The following DGKQ variants were observed in gnomAD, a reference collection of about 807,000 sequenced individuals.
DGKQ encodes diacylglycerol kinase theta.
A neutral mutation model predicts 104.2 loss-of-function variants in DGKQ; 97 were observed. The ratio of observed to expected loss-of-function variants is 0.93; its 90% CI spans 0.79 to 1.10. The LOEUF (loss-of-function observed/expected upper bound fraction) is 1.10, where lower values mean the gene tolerates loss of function less well. Among genes scored for constraint, DGKQ ranks in the 50% least tolerant of loss-of-function variants. The pLI is 0.00. For missense variants in DGKQ, 1,465 were observed against 1,352.1 expected (o/e 1.08, Z -1.31); for synonymous variants, 736 against 595.2 (o/e 1.24, Z -3.44).
rs1340804961 is a variant in DGKQ, at chr4:968,027, C to T, written c.664G>A (p.Ala222Thr). ...GVRCEWCGVQ[A>T]HSLCSAALAP... The stretch of plus-strand genomic sequence containing the variant: ...AGCGCCGCGGAGCAGAGGGAGTGCG[C>T]CTGGGGGGAGAAGGGCCTGAGCTGG... The change falls in exon 6 of 23, where the codon GCG (alanine) becomes ACG (threonine). Residue 222 changes from alanine to threonine, a missense_variant and splice_region_variant. Coordinates refer to ENST00000273814, the MANE Select transcript of DGKQ (RefSeq NM_001347.4). The T allele has an allele frequency of 4.2e-6, 6 of 1,423,752 alleles. No individual in the cohort carries two copies. In the Admixed American group the frequency reaches 1.8e-4, roughly 43 times the overall value. The allele number at this position is 1,423,752 out of a possible 1,614,324, so 88.2% of individuals were successfully genotyped here. A position where few individuals can be genotyped will look rare whatever the true frequency, so the allele number is the denominator to read the frequency against.
Position 973,195 on chromosome 4 carries a change from C to T in DGKQ, c.271+17G>A. 1.3e-6 allele frequency: 2 copies of T among 1,534,902 alleles called. No individual in the cohort carries two copies. The highest frequency in any genetic ancestry group is 1.7e-6 in the Non-Finnish European group (2 of 1,143,570). ...GGCAGGGCTGCAGCCGGGTAGGCAT[C>T]GGGCCCGGGCGCTCACCGTCGCACA... On this transcript the variant is annotated intron_variant, in intron 1 of 22. Transcript: ENST00000273814.
Position 968,797 on chromosome 4 carries a change from C to T in DGKQ, c.451+14G>A, listed in dbSNP as rs752353210. The T allele has an allele frequency of 6.2e-7, 1 of 1,601,950 alleles. No individual in the cohort carries two copies. Among genetic ancestry groups the T allele is most frequent in the Non-Finnish European group, 8.5e-7 (1 of 1,173,960 alleles). On this transcript the variant is annotated intron_variant, in intron 3 of 22. Coordinates refer to ENST00000273814, the MANE Select transcript of DGKQ (RefSeq NM_001347.4). ...CCAGGACACTGGGTGGGGAGCCAGG[C>T]AGGCTCCAGGTACCTTCGCAGTGGA...
In DGKQ at chr4:963,204, G is replaced by A. The variant is rs1712022031; in HGVS notation, c.1821C>T (p.Cys607=). Residue 607 remains cysteine (C), a synonymous_variant, in exon 16 of 23, where the codon TGC becomes TGT. Coordinates refer to ENST00000273814, the MANE Select transcript of DGKQ (RefSeq NM_001347.4). ...GAGGGTTCAGTAGCTTCCGGAAGCTGCAGAGCAGGTCTCGGCCCTTGAGGC... is the reference window on the plus strand; with the variant it reads ...GAGGGTTCAGTAGCTTCCGGAAGCTACAGAGCAGGTCTCGGCCCTTGAGGC... ...SGGLKGRDLL[C]SFRKLLNPHQ... is the part of the protein sequence containing the mutation. The A allele has an allele frequency of 1.2e-6, 2 of 1,611,182 alleles. No individual in the cohort carries two copies. Among genetic ancestry groups the A allele is most frequent in the Admixed American group, 3.3e-5 (2 of 59,954 alleles).
In DGKQ at chr4:962,056, G is replaced by A. The variant is rs1166150089; in HGVS notation, c.2241C>T (p.Gly747=). 5 of 1,612,542 alleles carry A rather than the reference G, an allele frequency of 3.1e-6. No homozygotes were observed. The Admixed American group carries it at 5.0e-5, about 16-fold the overall frequency. ...PKIVQMSNYC[G]IGIDAELSLD... is the part of the protein sequence containing the mutation. Reference sequence around the variant, plus strand: ...GGCTCAGCTCCGCGTCGATGCCAATGCCACAGTAGTTACTCATCTGCACGA... The same window carrying A: ...GGCTCAGCTCCGCGTCGATGCCAATACCACAGTAGTTACTCATCTGCACGA... Residue 747 remains glycine, a synonymous_variant, in exon 19 of 23, where the codon GGC becomes GGT. Transcript: ENST00000273814.
rs780564628 is a variant in DGKQ, at chr4:967,628, A to C, written c.908T>G (p.Phe303Cys). The C allele has an allele frequency of 1.9e-6, 3 of 1,612,528 alleles. No homozygotes were observed. The highest frequency in any genetic ancestry group is 1.3e-5 in the African/African-American group (1 of 74,892). ...PESGKQTLKI[F>C]DGDDAVRRSQ... The stretch of plus-strand genomic sequence containing the variant: ...TCTTCTCACCGCGTCGTCGCCATCA[A>C]AGATCTTCAGCGTTTGCTTCCCTGG... Residue 303 changes from phenylalanine (F) to cysteine (C), a missense_variant, in exon 8 of 23, where the codon TTT becomes TGT. By Grantham distance (205) the Phe-to-Cys change is radical. Coordinates refer to ENST00000273814, the MANE Select transcript of DGKQ (RefSeq NM_001347.4).
In DGKQ at chr4:971,461, ATC is replaced by A. The variant is rs1443714183; in HGVS notation, c.272-391_272-390del. On this transcript the variant is annotated intron_variant, in intron 1 of 22. Coordinates refer to ENST00000273814, the MANE Select transcript of DGKQ (RefSeq NM_001347.4). The surrounding 1 kb of genome is among the most constrained non-coding windows in gnomAD (Gnocchi z 4.0). ...TCGGCAGATTGGCTTTACCAAGGACATCTGTGTCTCACTCCCCCGAAACTACG... is the reference window on the plus strand; with the variant it reads ...TCGGCAGATTGGCTTTACCAAGGACATGTGTCTCACTCCCCCGAAACTACG... Among the ~76,000 whole-genome samples the A allele has an allele frequency of 2.0e-5, 3 of 152,170 alleles. No individual in the cohort carries two copies. The highest frequency in any genetic ancestry group is 7.2e-5 in the African/African-American group (3 of 41,436).
At position 968,431 on chromosome 4, in the gene DGKQ, G is replaced by C. The variant is rs377583705; in HGVS notation, c.538-24C>G. On this transcript the variant is annotated intron_variant, in intron 4 of 22. Coordinates refer to ENST00000273814, the MANE Select transcript of DGKQ (RefSeq NM_001347.4). Reference sequence around the variant, plus strand: ...TCCTGCAGAGCGGGGGCAGTCAGCAGCTGGGCCCGCCCCACCCCCCAGGGC... The same window carrying C: ...TCCTGCAGAGCGGGGGCAGTCAGCACCTGGGCCCGCCCCACCCCCCAGGGC... 2.3e-5 allele frequency: 37 copies of C among 1,584,952 alleles called. No individual in the cohort carries two copies. The African/African-American group carries it at 4.6e-4, about 20-fold the overall frequency.
intron 19 of DGKQ, 59 bp downstream of exon 19, chr4:961,923 G>A (rs1711917873): frequency 1.9e-5 from 31 of 1,609,220 alleles, no homozygotes; most frequent in Non-Finnish European, 2.4e-5. Flanking sequence ...GCCTGTTCCT[G>A]CTGGGGGACC....
chr4:967,703 T>TG, intron 7 of DGKQ, 25 bp downstream of exon 7: 2 of 1,611,732 alleles, frequency 1.2e-6, no homozygotes, highest in Admixed American at 1.7e-5. Context: ...TCAGTGGAGT[T>TG]GGGGGGAATG....
Position 973,200 on chromosome 4 carries a change from CCGGG to C in DGKQ, c.271+8_271+11del, listed in dbSNP as rs1303534503. On this transcript the variant is annotated splice_region_variant and intron_variant, in intron 1 of 22. Transcript: ENST00000273814. ...GGCTGCAGCCGGGTAGGCATCGGGC[CCGGG>C]CGCTCACCGTCGCACAGGAAGCCGG... The C allele has an allele frequency of 2.6e-6, 4 of 1,541,488 alleles. No individual in the cohort carries two copies. Among genetic ancestry groups the C allele is most frequent in the Non-Finnish European group, 3.5e-6 (4 of 1,146,874 alleles).
Position 968,868 on chromosome 4 carries a change from G to A in DGKQ, c.394C>T (p.Arg132Cys), listed in dbSNP as rs574436282. The change falls in exon 3 of 23, where the codon CGC becomes TGC. Residue 132 changes from arginine to cysteine, a missense_variant. Physicochemically the swap from Arg to Cys is radical, Grantham distance 180. Transcript: ENST00000273814. ...TTGCGGCAGACAGCACAGAACTTGCGCTTGTGGAGCCCCCGGGGGCCGAAG... is the reference window on the plus strand; with the variant it reads ...TTGCGGCAGACAGCACAGAACTTGCACTTGTGGAGCCCCCGGGGGCCGAAG... The part of the protein sequence containing the change: ...HCFGPRGLHK[R>C]KFCAVCRKVL... 23 of 1,606,038 alleles carry A rather than the reference G, an allele frequency of 1.4e-5. No homozygotes were observed. The highest frequency in any genetic ancestry group is 2.2e-5 in the East Asian group (1 of 44,674).
intron 22 of DGKQ, 158 bp downstream of exon 22, chr4:960,891 C>G (rs1711836846): frequency 2.0e-6 from 2 of 985,344 alleles, no homozygotes; most frequent in Non-Finnish European, 2.4e-6. Context: ...GCCCGCCTGG[C>G]CACTGGCACA....
chr4:966,345 G>A, intron 12 of DGKQ, 121 bp downstream of exon 12: 11 of 1,164,914 alleles, frequency 9.4e-6, no homozygotes, highest in Non-Finnish European at 1.4e-5. Flanking sequence ...TGCCCTGTCA[G>A]CCAGGACAGC....
At chr4:968,440 G>GC (rs1196057027) in intron 4 of DGKQ, 33 bp from the exon 5 acceptor site, 9 of 1,588,918 alleles carry the variant, frequency 5.7e-6, no homozygotes, top group Non-Finnish European at 7.7e-6. Context: ...AGCTGGGCCC[G>GC]CCCCACCCCC....
chr4:962,118 G>A (rs770195369), intron 18 of DGKQ, 36 bp from the exon 19 acceptor site: 24 of 1,560,278 alleles, frequency 1.5e-5, no homozygotes, highest in African/African-American at 4.1e-5. Context: ...GGACCCGGCC[G>A]CCCTCACCAG....
chr4:963,192 C>A lies in DGKQ; in HGVS notation c.1833G>T (p.Lys611Asn), dbSNP rs1314755521. Residue 611 changes from lysine to asparagine, a missense_variant, in exon 16 of 23, where the codon AAG (lysine) becomes AAT (asparagine). By Grantham distance (94) the Lys-to-Asn change is moderately conservative (BLOSUM62 0). Coordinates refer to ENST00000273814, the MANE Select transcript of DGKQ (RefSeq NM_001347.4). ...KGRDLLCSFRKLLNPHQVFDL... is the reference protein window; with the variant it reads ...KGRDLLCSFRNLLNPHQVFDL... The stretch of plus-strand genomic sequence containing the variant: ...CGAAGACCTGATGAGGGTTCAGTAG[C>A]TTCCGGAAGCTGCAGAGCAGGTCTC... 6.2e-7 allele frequency: 1 copy of A among 1,611,132 alleles called. No individual in the cohort carries two copies. The highest frequency in any genetic ancestry group is 2.2e-5 in the East Asian group (1 of 44,804).
At chr4:960,790 C>T (rs1392466202) in intron 22 of DGKQ, 69 bp from the exon 23 acceptor site, 2 of 1,573,504 alleles carry the variant, frequency 1.3e-6, no homozygotes, top group East Asian at 2.3e-5. Flanking sequence ...CGGGCAGCCC[C>T]CGGTCCTGGG....
intron 2 of DGKQ, 113 bp from the exon 3 acceptor site, chr4:969,023 C>T (rs996583776): frequency 8.4e-5 from 56 of 668,170 alleles, no homozygotes; most frequent in East Asian, 5.8e-4. Flanking sequence ...TGAGAACTGC[C>T]CAGGCTGAGC....
chr4:968,854 A>C lies in DGKQ; in HGVS notation c.408T>G (p.Ala136=). The C allele has an allele frequency of 6.2e-7, 1 of 1,610,006 alleles. No individual in the cohort carries two copies. Among genetic ancestry groups the C allele is most frequent in the Non-Finnish European group, 8.5e-7 (1 of 1,178,346 alleles). Residue 136 remains alanine (A), a synonymous_variant, in exon 3 of 23, where the codon GCT becomes GCG. Transcript: ENST00000273814. The part of the protein sequence containing the change: ...PRGLHKRKFC[A]VCRKVLEAPA... ...GTGCCTCCAGGACCTTGCGGCAGAC[A>C]GCACAGAACTTGCGCTTGTGGAGCC...
Sources: allele counts gnomAD v4.1 joint callset (sites outside exome capture counted in the v4.1 genomes callset), GRCh38; gene constraint gnomAD v4.1.1; non-coding constraint Gnocchi (gnomAD v3.1); transcripts MANE v1.5; gene names NCBI Gene and HGNC (gene_info 2026-07-23, HGNC 2026-07-21).